The following ASB5 variants were observed in gnomAD, a reference collection of about 807,000 sequenced individuals.
ASB5 encodes the protein ankyrin repeat and SOCS box containing 5.
ASB5 carries 45 observed loss-of-function variants against 42.1 expected under a neutral mutation model. The ratio of observed to expected loss-of-function variants is 1.07; its 90% confidence interval spans 0.84 to 1.37. The LOEUF (loss-of-function observed/expected upper bound fraction) is 1.37, where lower values mean the gene tolerates loss of function less well. ASB5 is among the 40% of genes most tolerant of loss of function. The pLI is 0.00. For synonymous variants in ASB5, 147 were observed against 150.6 expected (o/e 0.98, Z 0.18); for missense variants, 402 against 399.8 (o/e 1.01, Z -0.05).
chr4:176,231,328 C>T (rs1156762619), intron 1 of ASB5, among the ~76,000 whole-genome samples: 2 of 151,802 alleles, frequency 1.3e-5, no homozygotes, highest in Non-Finnish European at 2.9e-5. Context: ...ATATGACCGT[C>T]GGCCTCCAAA....
intron 1 of ASB5, among the ~76,000 whole-genome samples, chr4:176,263,778 G>C (rs898956567): frequency 6.6e-6 from 1 of 152,126 alleles, no homozygotes. Context: ...AAAGTCACAG[G>C]AAACAAGTTG....
intron 1 of ASB5, among the ~76,000 whole-genome samples, chr4:176,260,271 C>T (rs1371307536): frequency 3.3e-5 from 5 of 152,286 alleles, no homozygotes; most frequent in African/African-American, 4.8e-5. Flanking sequence ...GAGCCCCTGA[C>T]GGCCTTCTAG....
chr4:176,243,459 AC>A (rs1401275469), intron 1 of ASB5, among the ~76,000 whole-genome samples: 1 of 149,062 alleles, frequency 6.7e-6, no homozygotes, highest in African/African-American at 2.5e-5. Flanking sequence ...AGTAAATTCA[AC>A]CTCTTATTAT....
At chr4:176,223,336 C>A (rs967668130) in intron 2 of ASB5, among the ~76,000 whole-genome samples, 1 of 152,144 alleles carries the variant, frequency 6.6e-6, no homozygotes, top group Non-Finnish European at 1.5e-5. Context: ...TGAGATCATG[C>A]ATGTAAAGCA....
chr4:176,273,399 T>G (rs1754510717), upstream of ASB5, among the ~76,000 whole-genome samples: 1 of 152,174 alleles, frequency 6.6e-6, no homozygotes, highest in African/African-American at 2.4e-5. Context: ...TATTCACTAT[T>G]GCATTTAAAA....
At chr4:176,250,028 G>A (rs557272277) in intron 1 of ASB5, among the ~76,000 whole-genome samples, 7 of 148,502 alleles carry the variant, frequency 4.7e-5, no homozygotes, top group Admixed American at 2.7e-4. Context: ...TCACACCACT[G>A]CACTCCAGCC....
At chr4:176,263,602 C>T (rs926897981) in intron 1 of ASB5, among the ~76,000 whole-genome samples, 9 of 151,986 alleles carry the variant, frequency 5.9e-5, no homozygotes, top group East Asian at 3.9e-4. Context: ...GTTCCACCTA[C>T]GTATAGAAAA....
chr4:176,252,124 T>G (rs1754053512), intron 1 of ASB5, among the ~76,000 whole-genome samples: 1 of 151,766 alleles, frequency 6.6e-6, no homozygotes, highest in African/African-American at 2.4e-5. Flanking sequence ...TAAAATATTT[T>G]TATTTGGCGG....
intron 1 of ASB5, among the ~76,000 whole-genome samples, chr4:176,254,004 T>G (rs1365162290): frequency 1.3e-5 from 2 of 152,170 alleles, no homozygotes; most frequent in Non-Finnish European, 2.9e-5. Context: ...ACAGATTCAG[T>G]GTTACTTCTG....
At chr4:176,277,061 C>T (rs1210524725) in intron 1 of ASB5, among the ~76,000 whole-genome samples, 2 of 152,126 alleles carry the variant, frequency 1.3e-5, no homozygotes, top group Non-Finnish European at 2.9e-5. Flanking sequence ...ACGATGAAAA[C>T]AGGAAAATAG....
At chr4:176,276,789 A>G (rs1180032949) in intron 1 of ASB5, among the ~76,000 whole-genome samples, 3 of 152,190 alleles carry the variant, frequency 2.0e-5, no homozygotes, top group Non-Finnish European at 4.4e-5. Context: ...TATTACCGTA[A>G]CCCTAACGCA....
Position 176,215,674 on chromosome 4 carries a change from C to T in ASB5, c.916G>A (p.Gly306Arg). 3 of 1,612,908 alleles carry T rather than the reference C, an allele frequency of 1.9e-6. No individual in the cohort carries two copies. Among genetic ancestry groups the T allele is most frequent in the Non-Finnish European group, 1.7e-6 (2 of 1,179,294 alleles). The change falls in exon 7 of 7, where the codon GGA (glycine) becomes AGA (arginine). Residue 306 changes from glycine (G) to arginine (R), a missense_variant. Transcript: ENST00000296525. ...LCRLCIRSYIGKPRLHLIPQL... is the reference protein window; with the variant it reads ...LCRLCIRSYIRKPRLHLIPQL... ...GGGATAAGGTGCAATCTTGGTTTTC[C>T]TATGTAGCTTCGGATACAGAGTCGG...
At chr4:176,264,404 TA>T (rs146896566) in intron 1 of ASB5, among the ~76,000 whole-genome samples, 7,215 of 152,266 alleles carry the variant, frequency 0.047, 530 homozygotes, top group African/African-American at 0.16. Flanking sequence ...ATAAGACCTA[TA>T]AATGCCAGAT....
chr4:176,231,285 TC>T (rs1376477367), intron 1 of ASB5, among the ~76,000 whole-genome samples: 1 of 152,062 alleles, frequency 6.6e-6, no homozygotes, highest in Admixed American at 6.5e-5. Flanking sequence ...CCAGTTCTGT[TC>T]GGCCATTTTA....
chr4:176,224,339 A>G (rs1392536015), intron 2 of ASB5, among the ~76,000 whole-genome samples: 1 of 136,276 alleles, frequency 7.3e-6, no homozygotes, highest in Non-Finnish European at 1.5e-5. Context: ...GGTTCAATTG[A>G]TTCTCCTGCC....
At chr4:176,233,657 T>C (rs980319242) in intron 1 of ASB5, among the ~76,000 whole-genome samples, 5 of 152,162 alleles carry the variant, frequency 3.3e-5, no homozygotes, top group African/African-American at 1.2e-4. Flanking sequence ...TTTTTTTCCA[T>C]TGTTGCGGTA....
chr4:176,239,113 G>A (rs1282597601), intron 1 of ASB5, among the ~76,000 whole-genome samples: 1 of 152,154 alleles, frequency 6.6e-6, no homozygotes, highest in Non-Finnish European at 1.5e-5. Flanking sequence ...CTATTTGTAT[G>A]GGTGGCACAT....
At chr4:176,253,121 T>C (rs962188136) in intron 1 of ASB5, among the ~76,000 whole-genome samples, 1 of 152,220 alleles carries the variant, frequency 6.6e-6, no homozygotes, top group African/African-American at 2.4e-5. Context: ...ACTTACTTTA[T>C]GTTGAAGAGG....
intron 1 of ASB5, among the ~76,000 whole-genome samples, chr4:176,263,905 A>T (rs1026444750): frequency 2.6e-5 from 4 of 152,192 alleles, no homozygotes; most frequent in Non-Finnish European, 5.9e-5. Context: ...GAGAAAAAAA[A>T]GATATTACAT....
Sources: allele counts gnomAD v4.1 joint callset (sites outside exome capture counted in the v4.1 genomes callset), GRCh38; gene constraint gnomAD v4.1.1; transcripts MANE v1.5; gene names NCBI Gene and HGNC (gene_info 2026-07-23, HGNC 2026-07-21).